Variants in PLA2G4A observed in about 807,000 individuals in gnomAD.
The protein encoded by PLA2G4A is cytosolic phospholipase A2.
A neutral mutation model predicts 81.9 loss-of-function variants in PLA2G4A; 40 were observed. The observed-to-expected ratio is 0.49, with a 90% CI of 0.38 to 0.64. The LOEUF is 0.64. Among genes scored for constraint, PLA2G4A ranks in the 30% least tolerant of loss-of-function variants. PLA2G4A has a pLI of 0.00. For synonymous variants in PLA2G4A, 302 were observed against 296.9 expected, an observed-to-expected ratio of 1.02 and a Z score of -0.18; for missense variants, 715 against 905.1, an observed-to-expected ratio of 0.79 and a Z score of 2.69.
chr1:186,933,283 T>A (rs1386431898), intron 8 of PLA2G4A, among the ~76,000 whole-genome samples: 2 of 152,162 alleles, frequency 1.3e-5, no homozygotes, highest in Non-Finnish European at 2.9e-5. Context: ...TCTACATGAT[T>A]CACTACATAT....
intron 10 of PLA2G4A, among the ~76,000 whole-genome samples, chr1:186,945,016 CA>C (rs1266429764): frequency 6.6e-6 from 1 of 151,768 alleles, no homozygotes; most frequent in African/African-American, 2.4e-5. Flanking sequence ...TAAGATATTA[CA>C]GACATATTAT....
chr1:186,903,199 T>C (rs1395828276), intron 5 of PLA2G4A, among the ~76,000 whole-genome samples: 1 of 152,060 alleles, frequency 6.6e-6, no homozygotes, highest in Non-Finnish European at 1.5e-5. Context: ...ATGTGAATAA[T>C]GATTGAATCA....
At chr1:186,879,229 G>A (rs1328611614) in intron 3 of PLA2G4A, among the ~76,000 whole-genome samples, 1 of 151,692 alleles carries the variant, frequency 6.6e-6, no homozygotes, top group Non-Finnish European at 1.5e-5. Context: ...ATTTTTAGTT[G>A]ATGTATAAGA....
intron 17 of PLA2G4A, 95 bp from the exon 18 acceptor site, chr1:186,988,277 ATACTC>A: frequency 2.2e-6 from 2 of 890,956 alleles, no homozygotes; most frequent in Non-Finnish European, 3.4e-6. Context: ...GTCAAAAGGA[ATACTC>A]TAATAAAAAG....
intron 8 of PLA2G4A, among the ~76,000 whole-genome samples, chr1:186,933,750 G>A (rs1655834291): frequency 6.6e-6 from 1 of 152,186 alleles, no homozygotes; most frequent in Admixed American, 6.6e-5. Flanking sequence ...TGTGAGATGG[G>A]TATGAATTTA....
intron 1 of PLA2G4A, among the ~76,000 whole-genome samples, chr1:186,845,501 T>C (rs1328349063): frequency 6.6e-6 from 1 of 152,156 alleles, no homozygotes; most frequent in Non-Finnish European, 1.5e-5. Context: ...AGGCTAGAAC[T>C]TGGGTCATTC....
intron 5 of PLA2G4A, among the ~76,000 whole-genome samples, chr1:186,904,572 T>G (rs1569479): frequency 0.56 from 85,871 of 152,066 alleles, 25,865 homozygotes; most frequent in African/African-American, 0.78. Context: ...GACCCACTTG[T>G]GCAATGAGGA....
At chr1:186,864,053 C>A (rs1165047824) in intron 2 of PLA2G4A, among the ~76,000 whole-genome samples, 1 of 152,030 alleles carries the variant, frequency 6.6e-6, no homozygotes, top group East Asian at 1.9e-4. Flanking sequence ...GCATGAGCCA[C>A]CACTCCTGAC....
At chr1:186,877,642 G>A (rs1324484609) in intron 3 of PLA2G4A, among the ~76,000 whole-genome samples, 1 of 123,016 alleles carries the variant, frequency 8.1e-6, no homozygotes, top group East Asian at 2.6e-4. Flanking sequence ...AGATTTCTTT[G>A]TAACACTTGT....
intron 1 of PLA2G4A, among the ~76,000 whole-genome samples, chr1:186,836,613 C>A (rs533274785): frequency 3.9e-5 from 6 of 152,212 alleles, no homozygotes; most frequent in Admixed American, 3.3e-4. Context: ...TTTTCACTTA[C>A]CAATTTTGCC....
At chr1:186,928,985 C>T (rs183176368) in intron 7 of PLA2G4A, among the ~76,000 whole-genome samples, 2 of 152,276 alleles carry the variant, frequency 1.3e-5, no homozygotes, top group African/African-American at 4.8e-5. Flanking sequence ...TTATAACTTT[C>T]GTGTTATTTC....
intron 5 of PLA2G4A, among the ~76,000 whole-genome samples, chr1:186,896,377 G>A (rs565374620): frequency 6.6e-6 from 1 of 152,300 alleles, no homozygotes; most frequent in Admixed American, 6.5e-5. Context: ...AAAGAAGAAA[G>A]CAAGCTGGGG....
intron 5 of PLA2G4A, among the ~76,000 whole-genome samples, chr1:186,896,879 G>A (rs749947320): frequency 2.0e-5 from 3 of 152,070 alleles, no homozygotes; most frequent in Admixed American, 6.5e-5. Flanking sequence ...ATGGCTAAGG[G>A]GAGAGTCCCC....
chr1:186,879,808 T>C (rs1653658702), intron 3 of PLA2G4A, among the ~76,000 whole-genome samples: 1 of 148,426 alleles, frequency 6.7e-6, no homozygotes, highest in Admixed American at 6.9e-5. Context: ...AATTTTTTTA[T>C]TTTAATTTTT....
At chr1:186,966,364 G>T (rs1245085519) in intron 15 of PLA2G4A, among the ~76,000 whole-genome samples, 1 of 152,080 alleles carries the variant, frequency 6.6e-6, no homozygotes, top group South Asian at 2.1e-4. Context: ...TGTAGGGATG[G>T]GAAGTGGGAA....
chr1:186,934,637 C>T (rs1655878324), intron 8 of PLA2G4A, among the ~76,000 whole-genome samples: 1 of 151,564 alleles, frequency 6.6e-6, no homozygotes, highest in Admixed American at 6.6e-5. Context: ...TATTTCATTT[C>T]CTTAAAAGGC....
intron 2 of PLA2G4A, among the ~76,000 whole-genome samples, chr1:186,869,310 G>T (rs1018753413): frequency 6.6e-6 from 1 of 152,054 alleles, no homozygotes; most frequent in Non-Finnish European, 1.5e-5. Flanking sequence ...CTTGGATGTT[G>T]AAGGTATTTC....
intron 16 of PLA2G4A, 42 bp downstream of exon 16, chr1:186,977,830 G>A (rs746193940): frequency 8.5e-6 from 11 of 1,290,260 alleles, no homozygotes; most frequent in South Asian, 7.1e-5. Context: ...TAGAAATTAA[G>A]TAGGGGACGA....
chr1:186,894,023 T>C lies in PLA2G4A; in HGVS notation c.265-75T>C, dbSNP rs549126048. ...TTTGAGAGCTTCATTTTTTTAAATG[T>C]GGTGGAAATTATAGATGTCATTTCC... On this transcript the variant is annotated intron_variant, in intron 4 of 17. Coordinates refer to ENST00000367466, the MANE Select transcript of PLA2G4A (RefSeq NM_024420.3). The C allele has an allele frequency of 7.9e-6, 6 of 755,842 alleles. No individual in the cohort carries two copies. The Admixed American group carries it at 1.1e-4, about 14-fold the overall frequency. 46.8% of individuals were successfully genotyped at this position (755,842 alleles called of 1,614,324 possible). A position where few individuals can be genotyped will look rare whatever the true frequency, so the allele number is the denominator to read the frequency against.
Sources: allele counts gnomAD v4.1 joint callset (sites outside exome capture counted in the v4.1 genomes callset), GRCh38; gene constraint gnomAD v4.1.1; transcripts MANE v1.5; gene names NCBI Gene and HGNC (gene_info 2026-07-23, HGNC 2026-07-21).